Variants in ITGA9 observed in about 807,000 individuals in gnomAD.
ITGA9 encodes integrin alpha-9.
ITGA9 carries 56 observed loss-of-function variants against 127.8 expected under a neutral mutation model. That is an observed-to-expected ratio of 0.44 (90% confidence interval 0.35 to 0.55). ITGA9 has a LOEUF of 0.55. Ranked by LOEUF, ITGA9 falls within the 20% of genes least tolerant of loss-of-function variation. The probability of loss-of-function intolerance (pLI) is 0.00; values close to 1 mark genes in which losing one functional copy is unlikely to be tolerated. For synonymous variants in ITGA9, 508 were observed against 514.5 expected (o/e 0.99, Z 0.17); for missense variants, 1,196 against 1,347.1 (o/e 0.89, Z 1.76).
At chr3:37,735,439 G>C (rs565202936) in intron 19 of ITGA9, among the ~76,000 whole-genome samples, 1 of 152,144 alleles carries the variant, frequency 6.6e-6, no homozygotes, top group African/African-American at 2.4e-5. Context: ...ACCAATGTCC[G>C]TTGCTTTCAG....
chr3:37,667,449 G>T (rs1283279022), intron 17 of ITGA9, among the ~76,000 whole-genome samples: 1 of 152,194 alleles, frequency 6.6e-6, no homozygotes, highest in Non-Finnish European at 1.5e-5. Flanking sequence ...AGCAGCAAAG[G>T]CAGATAAGGG....
At chr3:37,755,108 G>A (rs6794327) in intron 23 of ITGA9, among the ~76,000 whole-genome samples, 58,127 of 151,964 alleles carry the variant, frequency 0.38, 12,143 homozygotes, top group African/African-American at 0.55. Flanking sequence ...CAAGGCTTTA[G>A]TAGCCTTTTT....
At position 37,597,746 on chromosome 3, in the gene ITGA9, T is replaced by C. The variant is rs79773748; in HGVS notation, c.1690-31441T>C. On this transcript the variant is annotated intron_variant, in intron 15 of 27. Coordinates refer to ENST00000264741, the MANE Select transcript of ITGA9 (RefSeq NM_002207.3). This position sits in a 1 kb window ranked among gnomAD's most constrained non-coding sequence, Gnocchi z 4.6. Reference sequence around the variant, plus strand: ...CTTCAGTGGCATACAATACAAAGCATATAGTTTGTGCAGCTGGGATTAGCA... The same window carrying C: ...CTTCAGTGGCATACAATACAAAGCACATAGTTTGTGCAGCTGGGATTAGCA... Among the ~76,000 whole-genome samples the C allele has an allele frequency of 0.028, 4,265 of 152,286 alleles. 191 individuals carry two copies. The highest frequency in any genetic ancestry group is 0.095 in the African/African-American group (3,958 of 41,546).
At position 37,473,305 on chromosome 3, in the gene ITGA9, C is replaced by T. The variant is rs745649219; in HGVS notation, c.314-49C>T. 3 of 1,458,424 alleles carry T rather than the reference C, an allele frequency of 2.1e-6. No individual in the cohort carries two copies. The South Asian group carries it at 3.4e-5, about 17-fold the overall frequency. 90.3% of individuals were successfully genotyped at this position (1,458,424 alleles called of 1,614,324 possible). A position where few individuals can be genotyped will look rare whatever the true frequency, so the allele number is the denominator to read the frequency against. On this transcript the variant is annotated intron_variant, in intron 2 of 27. Transcript: ENST00000264741. ...TGGACCACCCTTTGAAAGCAGCCAG[C>T]AGAACATCACTCCTCAACCCAAGTC... is the stretch of plus-strand genomic sequence containing the variant.
chr3:37,776,537 A>G (rs1421739306), intron 23 of ITGA9, among the ~76,000 whole-genome samples: 1 of 152,268 alleles, frequency 6.6e-6, no homozygotes, highest in Non-Finnish European at 1.5e-5. Flanking sequence ...TTAACCTCAC[A>G]TCCTGTCCAG....
intron 26 of ITGA9, among the ~76,000 whole-genome samples, chr3:37,797,886 T>C (rs1182222335): frequency 6.6e-6 from 1 of 152,046 alleles, no homozygotes; most frequent in Non-Finnish European, 1.5e-5. Flanking sequence ...GGTTTCGCCA[T>C]GTTGGCCAGG....
rs760623741 is a variant in ITGA9 at position 37,653,705 on chromosome 3, T to C, written c.1840-9T>C. ...CTGCCCTAACCTTCCTCTCCTGTCT[T>C]TCTCACAGACTGTTTTTGAAAGGAA... On this transcript the variant is annotated splice_polypyrimidine_tract_variant and intron_variant, in intron 16 of 27. Coordinates refer to ENST00000264741, the MANE Select transcript of ITGA9 (RefSeq NM_002207.3). 1.9e-6 allele frequency: 3 copies of C among 1,610,246 alleles called. No homozygotes were observed. The highest frequency in any genetic ancestry group is 2.5e-6 in the Non-Finnish European group (3 of 1,176,568).
intron 15 of ITGA9, among the ~76,000 whole-genome samples, chr3:37,578,742 C>A (rs1699676961): frequency 6.6e-6 from 1 of 152,152 alleles, no homozygotes; most frequent in Non-Finnish European, 1.5e-5. Context: ...AAGTCATAAT[C>A]TCAGCAGGCT....
chr3:37,671,664 C>T (rs1700638298), intron 17 of ITGA9, among the ~76,000 whole-genome samples: 1 of 152,044 alleles, frequency 6.6e-6, no homozygotes, highest in Admixed American at 6.6e-5. Context: ...GTTTTTCAAA[C>T]CAGAAATTCA....
chr3:37,503,382 T>G, intron 6 of ITGA9, 75 bp downstream of exon 6: 1 of 1,547,748 alleles, frequency 6.5e-7, no homozygotes, highest in Non-Finnish European at 8.9e-7. Flanking sequence ...AATTATTGCT[T>G]CATTGTTGGA....
chr3:37,568,265 A>G (rs946338111), intron 15 of ITGA9, among the ~76,000 whole-genome samples: 4 of 152,318 alleles, frequency 2.6e-5, no homozygotes, highest in African/African-American at 9.6e-5. Flanking sequence ...AGTGGCTGGG[A>G]CACAGGGCAC....
chr3:37,601,786 C>G (rs1055472112), intron 15 of ITGA9, among the ~76,000 whole-genome samples: 1 of 152,112 alleles, frequency 6.6e-6, no homozygotes, highest in Middle Eastern at 3.2e-3. Flanking sequence ...ATTTGTGTTG[C>G]TGTAAAGGAG....
intron 18 of ITGA9, among the ~76,000 whole-genome samples, chr3:37,703,234 T>A (rs1239650196): frequency 6.6e-6 from 1 of 152,226 alleles, no homozygotes; most frequent in East Asian, 1.9e-4. Context: ...AATCTTTTCC[T>A]TCAAATGAAC....
At chr3:37,703,252 G>C (rs1427667505) in intron 18 of ITGA9, among the ~76,000 whole-genome samples, 1 of 152,182 alleles carries the variant, frequency 6.6e-6, no homozygotes, top group Admixed American at 6.5e-5. Flanking sequence ...AACCTGTTTG[G>C]ATTCTCTTAT....
Position 37,793,389 on chromosome 3 carries a change from A to AACACAC in ITGA9, c.2889+8354_2889+8359dup, listed in dbSNP as rs10575371. Among the ~76,000 whole-genome samples, 674 of 134,542 alleles carry AACACAC rather than the reference A, an allele frequency of 5.0e-3. 3 individuals are homozygous for AACACAC. The highest frequency in any genetic ancestry group is 0.015 in the Middle Eastern group (4 of 270). 88.3% of individuals were successfully genotyped at this position (134,542 alleles called of 152,430 possible). On this transcript the variant is annotated intron_variant, in intron 26 of 27. Coordinates refer to ENST00000264741, the MANE Select transcript of ITGA9 (RefSeq NM_002207.3). ...AGACTTCCACAGCCCCAAACAGGTC[A>AACACAC]ACACACACACACACACACACACACA...
In ITGA9 at chr3:37,568,593, C is replaced by A. The variant is rs530397922; in HGVS notation, c.1689+26008C>A. The stretch of plus-strand genomic sequence containing the variant: ...GAATTTAACAGCACCCAAGTCACAT[C>A]TTGAATGCTTTGCTGCTTAGAAATT... On this transcript the variant is annotated intron_variant, in intron 15 of 27. Coordinates refer to ENST00000264741, the MANE Select transcript of ITGA9 (RefSeq NM_002207.3). 2.6e-4 allele frequency among the ~76,000 whole-genome samples: 40 copies of A among 152,356 alleles called. No homozygotes were observed. The South Asian group carries it at 8.3e-3, about 32-fold the overall frequency.
chr3:37,534,804 C>G (rs190867190), intron 14 of ITGA9, among the ~76,000 whole-genome samples: 34 of 152,320 alleles, frequency 2.2e-4, no homozygotes, highest in African/African-American at 7.9e-4. Flanking sequence ...CTCAAGATCA[C>G]ACAGATATTG....
Position 37,598,964 on chromosome 3 carries a change from C to CTGGAAAGAA in ITGA9, c.1690-30221_1690-30213dup, listed in dbSNP as rs1304314767. ...CCTTTGTTACTTTTCATGCAGACAT[C>CTGGAAAGAA]TGGAAAGAATTTGTCAAGAATTATA... On this transcript the variant is annotated intron_variant, in intron 15 of 27. Coordinates refer to ENST00000264741, the MANE Select transcript of ITGA9 (RefSeq NM_002207.3). Among the ~76,000 whole-genome samples, 3 of 152,254 alleles carry CTGGAAAGAA rather than the reference C, an allele frequency of 2.0e-5. No homozygotes were observed. The East Asian group carries it at 5.8e-4, about 29-fold the overall frequency.
chr3:37,685,854 T>C (rs1700777594), intron 18 of ITGA9, among the ~76,000 whole-genome samples: 1 of 152,220 alleles, frequency 6.6e-6, no homozygotes. Context: ...TGTCAGTATA[T>C]AGGACTTAGT....
Sources: allele counts gnomAD v4.1 joint callset (sites outside exome capture counted in the v4.1 genomes callset), GRCh38; gene constraint gnomAD v4.1.1; non-coding constraint Gnocchi (gnomAD v3.1); transcripts MANE v1.5; gene names NCBI Gene and HGNC (gene_info 2026-07-23, HGNC 2026-07-21).